Variants in SLC14A1 observed in about 807,000 individuals in gnomAD.
SLC14A1 encodes solute carrier family 14 member 1 (Kidd blood group), also known as urea transporter 1.
SLC14A1 carries 36 observed loss-of-function variants against 39.6 expected under a neutral mutation model. The observed-to-expected ratio is 0.91, with a 90% CI of 0.70 to 1.20. The LOEUF (loss-of-function observed/expected upper bound fraction) is 1.20, where lower values mean the gene tolerates loss of function less well. SLC14A1 is among the 50% of genes most tolerant of loss of function. SLC14A1 has a pLI of 0.00. For missense variants in SLC14A1, 469 were observed against 478.7 expected (o/e 0.98, Z 0.19); for synonymous variants, 164 against 173.6 (o/e 0.94, Z 0.43).
At chr18:45,727,469 C>T in intron 2 of SLC14A1, 1 of 1,509,760 alleles carries the variant, frequency 6.6e-7, no homozygotes, top group Non-Finnish European at 8.9e-7. Context: ...GAGCCTGCTC[C>T]AAACTCTGGT....
In SLC14A1 at chr18:45,750,663, A is replaced by G. The variant is rs2047679361; in HGVS notation, c.*712A>G. 1.0e-6 allele frequency: 1 copy of G among 985,794 alleles called. No individual in the cohort carries two copies. The highest frequency in any genetic ancestry group is 1.2e-6 in the Non-Finnish European group (1 of 830,194). The allele number at this position is 985,794 out of a possible 1,614,324, so 61.1% of individuals were successfully genotyped here. On this transcript the variant is annotated 3_prime_UTR_variant, in exon 10 of 10. Transcript: ENST00000321925. The stretch of plus-strand genomic sequence containing the variant: ...AGAGATTGCAAAGGATTTTTTAGGT[A>G]GAGATTATTTTTCCTTATGAAAAAT...
chr18:45,742,591 C>T (rs182797180), intron 8 of SLC14A1, among the ~76,000 whole-genome samples: 1 of 151,894 alleles, frequency 6.6e-6, no homozygotes, highest in Non-Finnish European at 1.5e-5. Flanking sequence ...ATCTTCTGAC[C>T]TCATGATCTG....
At chr18:45,743,083 A>T (rs755129359) in intron 8 of SLC14A1, among the ~76,000 whole-genome samples, 1 of 152,272 alleles carries the variant, frequency 6.6e-6, no homozygotes, top group Non-Finnish European at 1.5e-5. Context: ...TCTCAATTAT[A>T]GAAGCAGCAC....
At position 45,750,225 on chromosome 18, in the gene SLC14A1, G is replaced by A. The variant is rs2047671281; in HGVS notation, c.*274G>A. Reference sequence around the variant, plus strand: ...AGACTGGAATGTATATAAAGTCAAAGTGCTCCAACAGAAGGAGGAAGTGAA... The same window carrying A: ...AGACTGGAATGTATATAAAGTCAAAATGCTCCAACAGAAGGAGGAAGTGAA... On this transcript the variant is annotated 3_prime_UTR_variant, in exon 10 of 10. Transcript: ENST00000321925. The A allele has an allele frequency of 7.3e-7, 1 of 1,366,500 alleles. No homozygotes were observed. Among genetic ancestry groups the A allele is most frequent in the African/African-American group, 1.5e-5 (1 of 68,366 alleles). 84.6% of individuals were successfully genotyped at this position (1,366,500 alleles called of 1,614,324 possible).
chr18:45,734,496 T>A, intron 5 of SLC14A1, 94 bp downstream of exon 5: 3 of 1,398,434 alleles, frequency 2.1e-6, no homozygotes, highest in Non-Finnish European at 3.0e-6. Flanking sequence ...GTTTCAGTTT[T>A]GCAAGATGAA....
At chr18:45,738,715 A>G (rs775329672) in intron 6 of SLC14A1, among the ~76,000 whole-genome samples, 1 of 152,178 alleles carries the variant, frequency 6.6e-6, no homozygotes, top group Non-Finnish European at 1.5e-5. Flanking sequence ...AATAATCTCT[A>G]TTGAACATAG....
intron 2 of SLC14A1, among the ~76,000 whole-genome samples, chr18:45,727,587 G>T (rs28994274): frequency 6.6e-6 from 1 of 152,356 alleles, no homozygotes; most frequent in African/African-American, 2.4e-5. Context: ...TGGTTTAGAG[G>T]CTAGACCATT....
intron 8 of SLC14A1, among the ~76,000 whole-genome samples, chr18:45,746,854 A>G (rs1451566462): frequency 1.3e-5 from 2 of 152,194 alleles, no homozygotes. Context: ...ACAGATGATG[A>G]AACTAGATTC....
At chr18:45,729,517 T>C (rs1352996643) in intron 2 of SLC14A1, 2 of 152,252 alleles carry the variant, frequency 1.3e-5, no homozygotes, top group African/African-American at 4.8e-5. Flanking sequence ...AATTATGCCC[T>C]GCACATTTTT....
At chr18:45,747,669 T>A (rs2047585273) in intron 8 of SLC14A1, among the ~76,000 whole-genome samples, 1 of 152,102 alleles carries the variant, frequency 6.6e-6, no homozygotes, top group Non-Finnish European at 1.5e-5. Flanking sequence ...CCCTCCAGCC[T>A]GGGCGACTGA....
At chr18:45,732,957 T>C (rs2047077453) in intron 4 of SLC14A1, among the ~76,000 whole-genome samples, 2 of 152,228 alleles carry the variant, frequency 1.3e-5, no homozygotes, top group South Asian at 4.1e-4. Context: ...TGCAGCAGCA[T>C]GGATGTATCT....
In SLC14A1 at chr18:45,731,140, G is replaced by A; in HGVS notation, c.277G>A (p.Ala93Thr). The A allele has an allele frequency of 1.2e-6, 2 of 1,614,136 alleles. No individual in the cohort carries two copies. Among genetic ancestry groups the A allele is most frequent in the Non-Finnish European group, 1.7e-6 (2 of 1,180,020 alleles). ...ACTTCTTGTTCAGAACCCCTGGTGG[G>A]CTCTCACTGGCTGGCTGGGAACAGT... ...VGLLVQNPWW[A>T]LTGWLGTVVS... The change falls in exon 4 of 10, where the codon GCT (alanine) becomes ACT (threonine). Residue 93 changes from alanine (A) to threonine (T), a missense_variant. Physicochemically the swap from Ala to Thr is moderately conservative, Grantham distance 58 (BLOSUM62 0). Transcript: ENST00000321925.
In SLC14A1 at chr18:45,731,136, G is replaced by A. The variant is rs2047017561; in HGVS notation, c.273G>A (p.Trp91Ter). The A allele has an allele frequency of 1.2e-6, 2 of 1,614,072 alleles. No individual in the cohort carries two copies. ...ILVGLLVQNP[W>*]WALTGWLGTV... ...TAGGACTTCTTGTTCAGAACCCCTG[G>A]TGGGCTCTCACTGGCTGGCTGGGAA... The change falls in exon 4 of 10, where the codon TGG (tryptophan) becomes TGA (stop). Residue 91 changes from tryptophan (W) to a stop codon, truncating the protein, a stop_gained. Coordinates refer to ENST00000321925, the MANE Select transcript of SLC14A1 (RefSeq NM_015865.7). LOFTEE classifies it high-confidence loss of function.
At chr18:45,731,479 T>C (rs2047028370) in intron 4 of SLC14A1, 1 of 478,552 alleles carries the variant, frequency 2.1e-6, no homozygotes, top group South Asian at 2.2e-5. Flanking sequence ...GGAGAGGTTC[T>C]GAAGGGATCT....
intron 5 of SLC14A1, 95 bp downstream of exon 5, chr18:45,734,497 G>T (rs2047127147): frequency 2.2e-6 from 3 of 1,390,722 alleles, no homozygotes; most frequent in Non-Finnish European, 3.0e-6. Context: ...TTTCAGTTTT[G>T]CAAGATGAAA....
chr18:45,733,116 A>C (rs2047081370), intron 4 of SLC14A1, among the ~76,000 whole-genome samples: 1 of 152,216 alleles, frequency 6.6e-6, no homozygotes, highest in East Asian at 1.9e-4. Flanking sequence ...AAGGGAAACA[A>C]GTGTTGAAAA....
chr18:45,745,964 C>T (rs888259753), intron 8 of SLC14A1, among the ~76,000 whole-genome samples: 4 of 152,200 alleles, frequency 2.6e-5, no homozygotes, highest in African/African-American at 9.7e-5. Flanking sequence ...AAGTGACAGA[C>T]ATTTATTACA....
chr18:45,741,563 T>C (rs2047378761), intron 8 of SLC14A1, among the ~76,000 whole-genome samples: 1 of 149,468 alleles, frequency 6.7e-6, no homozygotes, highest in South Asian at 2.2e-4. Context: ...TTCGATGCTA[T>C]AGCAAGGGTA....
At chr18:45,739,082 C>T in intron 6 of SLC14A1, 81 bp from the exon 7 acceptor site, 3 of 1,408,572 alleles carry the variant, frequency 2.1e-6, no homozygotes, top group Non-Finnish European at 3.0e-6. Flanking sequence ...TCTAAAATTA[C>T]ATTGTAGGAG....
Sources: gnomAD v4.1 joint callset for allele counts (sites outside exome capture counted in the v4.1 genomes callset) on GRCh38, gnomAD v4.1.1 for gene constraint, MANE v1.5 for transcripts, NCBI Gene and HGNC (gene_info 2026-07-23, HGNC 2026-07-21) for gene names.